The following CGREF1 variants were observed in gnomAD, a reference collection of about 807,000 sequenced individuals.
CGREF1 encodes the protein cell growth regulator with EF hand domain protein 1.
In CGREF1, 16 loss-of-function variants were observed where a neutral mutation model predicts 17.4. The observed-to-expected ratio is 0.92, with a 90% CI of 0.62 to 1.40. The LOEUF is 1.40. Ranked by LOEUF, CGREF1 falls within the 40% of genes most tolerant of loss-of-function variation. The pLI, the probability that CGREF1 is intolerant of heterozygous loss-of-function variation, is 0.00. For synonymous variants in CGREF1, 142 were observed against 154.6 expected (o/e 0.92, Z 0.61); for missense variants, 296 against 376.4 (o/e 0.79, Z 1.77).
chr2:27,101,923 A>T (rs1453328368), intron 5 of CGREF1, 35 bp from the exon 6 acceptor site: 1 of 1,601,416 alleles, frequency 6.2e-7, no homozygotes, highest in African/African-American at 1.3e-5. Flanking sequence ...GTCTCCAGGG[A>T]CAGAGATGTT....
intron 1 of CGREF1, among the ~76,000 whole-genome samples, chr2:27,114,658 G>A (rs1164916579): frequency 6.6e-6 from 1 of 152,164 alleles, no homozygotes; most frequent in East Asian, 1.9e-4. Flanking sequence ...CACCATGGAA[G>A]GAGCCTGGTC....
Position 27,105,921 on chromosome 2 carries a change from C to T in CGREF1, c.-11-1544G>A, listed in dbSNP as rs1468568885. Among the ~76,000 whole-genome samples, 4 of 152,174 alleles carry T rather than the reference C, an allele frequency of 2.6e-5. No individual in the cohort carries two copies. In the East Asian group the frequency reaches 7.7e-4, roughly 29 times the overall value. ...TACATAATTTGTTGGTGTCTATAAG[C>T]CCCAGTAGCCAAAAATAGATGCTGA... On this transcript the variant is annotated intron_variant, in intron 1 of 5. Coordinates refer to ENST00000402394, the MANE Select transcript of CGREF1 (RefSeq NM_006569.6).
chr2:27,104,192 A>T (rs1671026448), intron 2 of CGREF1, 95 bp downstream of exon 2: 2 of 1,266,414 alleles, frequency 1.6e-6, no homozygotes, highest in South Asian at 1.6e-5. Flanking sequence ...CCTACACCCC[A>T]GTCTCCTGCC....
At chr2:27,109,702 A>G (rs543569157) in intron 1 of CGREF1, among the ~76,000 whole-genome samples, 12 of 152,056 alleles carry the variant, frequency 7.9e-5, no homozygotes, top group Admixed American at 7.9e-4. Flanking sequence ...CCTGACCAAC[A>G]TGGAGAAACC....
At chr2:27,110,568 A>C (rs1671328092) in intron 1 of CGREF1, 1 of 109,984 alleles carries the variant, frequency 9.1e-6, no homozygotes, top group African/African-American at 2.8e-5. Flanking sequence ...AAAGACTAGT[A>C]AAATAAAAAA....
At chr2:27,115,785 G>C (rs987069251) in intron 1 of CGREF1, among the ~76,000 whole-genome samples, 2 of 152,192 alleles carry the variant, frequency 1.3e-5, no homozygotes, top group Admixed American at 6.5e-5. Context: ...TTCAAACCAA[G>C]GAGTTATTGG....
chr2:27,104,454 C>T (rs1280651478), intron 1 of CGREF1, 77 bp from the exon 2 acceptor site: 2 of 1,571,724 alleles, frequency 1.3e-6, no homozygotes, highest in Admixed American at 3.8e-5. Context: ...GGGTTAGACA[C>T]AAGCGCATTT....
At chr2:27,107,626 C>T (rs1229864270) in intron 1 of CGREF1, among the ~76,000 whole-genome samples, 7 of 147,416 alleles carry the variant, frequency 4.7e-5, no homozygotes, top group Non-Finnish European at 1.5e-5. Flanking sequence ...CGGCCAGCAA[C>T]AGTATGTTTT....
chr2:27,111,984 G>A (rs749580182), intron 1 of CGREF1, among the ~76,000 whole-genome samples: 26 of 152,356 alleles, frequency 1.7e-4, no homozygotes, highest in Non-Finnish European at 3.4e-4. Flanking sequence ...AGGAGGCGCC[G>A]AGAACGAGCG....
At chr2:27,110,983 GGTGA>G (rs1171321578) in intron 1 of CGREF1, 2 of 152,296 alleles carry the variant, frequency 1.3e-5, no homozygotes, top group African/African-American at 4.8e-5. Context: ...AGACCTTCGT[GGTGA>G]GTGTTACAGC....
chr2:27,100,279 G>A (rs1236508721), downstream of CGREF1: 2 of 445,954 alleles, frequency 4.5e-6, no homozygotes, highest in Non-Finnish European at 8.0e-6. Context: ...GAGCTGAACT[G>A]ACAGGCCAGT....
At chr2:27,116,876 T>TCC (rs1671591869) in intron 1 of CGREF1, among the ~76,000 whole-genome samples, 1 of 30,702 alleles carries the variant, frequency 3.3e-5, no homozygotes, top group Non-Finnish European at 6.1e-5. Flanking sequence ...GCCTATTCTC[T>TCC]CTCTCTCTCT....
rs367787809 is a variant in CGREF1, at chr2:27,102,368, C to T, written c.209G>A (p.Arg70Gln). Reference sequence around the variant, plus strand: ...TCAGCCCAGCCCCTCACCCTGCTCCCGGCTCAGATGCTCCAGTTGCACTTC... The same window carrying T: ...TCAGCCCAGCCCCTCACCCTGCTCCTGGCTCAGATGCTCCAGTTGCACTTC... Reference protein sequence around the residue: ...RTEVQLEHLSREQVLLYLFAL... With the variant: ...RTEVQLEHLSQEQVLLYLFAL... The change falls in exon 4 of 6, where the codon CGG becomes CAG. Residue 70 changes from arginine (R) to glutamine (Q), a missense_variant. Arg to Gln is a conservative substitution (Grantham distance 43). Around this residue, in one of 3 missense-constraint regions of CGREF1, gnomAD observed 247 missense variants for 267.2 expected, o/e 0.92. Transcript: ENST00000402394. The T allele has an allele frequency of 8.7e-5, 141 of 1,613,964 alleles. No homozygotes were observed. The highest frequency in any genetic ancestry group is 1.1e-4 in the Non-Finnish European group (134 of 1,179,958).
intron 1 of CGREF1, among the ~76,000 whole-genome samples, chr2:27,118,048 G>C (rs545892641): frequency 3.3e-5 from 5 of 152,114 alleles, no homozygotes; most frequent in African/African-American, 1.2e-4. Flanking sequence ...GAGGATAACG[G>C]TATCTGTCTC....
At chr2:27,117,795 G>A (rs1317469681) in intron 1 of CGREF1, among the ~76,000 whole-genome samples, 1 of 145,682 alleles carries the variant, frequency 6.9e-6, no homozygotes, top group Non-Finnish European at 1.5e-5. Flanking sequence ...AGCAAGCTCC[G>A]CCTCCCGGGT....
rs890813833 is a variant in CGREF1 at position 27,102,204 on chromosome 2, C to A, written c.235G>T (p.Ala79Ser). ...CCACTCTGGTCATAGTCATGGAGGGCAAAGAGGTAGAGGAGAACTAAAGAG... is the reference window on the plus strand; with the variant it reads ...CCACTCTGGTCATAGTCATGGAGGGAAAAGAGGTAGAGGAGAACTAAAGAG... ...SREQVLLYLF[A>S]LHDYDQSGQL... is the part of the protein sequence containing the mutation. The change falls in exon 5 of 6, where the codon GCC (alanine) becomes TCC (serine). Residue 79 changes from alanine (A) to serine (S), a missense_variant. Coordinates refer to ENST00000402394, the MANE Select transcript of CGREF1 (RefSeq NM_006569.6). 8 of 1,611,796 alleles carry A rather than the reference C, an allele frequency of 5.0e-6. No homozygotes were observed. Among genetic ancestry groups the A allele is most frequent in the Middle Eastern group, 1.6e-4 (1 of 6,074 alleles).
downstream of CGREF1, chr2:27,099,354 G>A (rs878943136): frequency 1.4e-4 from 221 of 1,612,728 alleles, 3 homozygotes; most frequent in South Asian, 1.3e-3. Flanking sequence ...AGTCCGCCCT[G>A]GAGCTGGGAG....
At chr2:27,118,447 G>C (rs900443389) in intron 1 of CGREF1, among the ~76,000 whole-genome samples, 1 of 152,164 alleles carries the variant, frequency 6.6e-6, no homozygotes, top group East Asian at 1.9e-4. Flanking sequence ...CCCGGGAGCT[G>C]GTCCCTCGGC....
In CGREF1 at chr2:27,101,877, T is replaced by C. The variant is rs765539575; in HGVS notation, c.354A>G (p.Ile118Met). ...NSPTTNPVIL[I>M]VDKVLETQDL... ...CCTGGGTCTCGAGCACTTTGTCCAC[T>C]ATCAAGATCACCTGTGGAAGCAGAG... Residue 118 changes from isoleucine (I) to methionine (M), a missense_variant, in exon 6 of 6, where the codon ATA (isoleucine) becomes ATG (methionine). Ile to Met is a conservative substitution (Grantham distance 10). Around this residue, in one of 3 missense-constraint regions of CGREF1, gnomAD observed 247 missense variants for 267.2 expected, o/e 0.92. Transcript: ENST00000402394. The C allele has an allele frequency of 6.2e-7, 1 of 1,612,320 alleles. No homozygotes were observed. The highest frequency in any genetic ancestry group is 1.7e-5 in the Admixed American group (1 of 59,986).
Sources: allele counts gnomAD v4.1 joint callset (sites outside exome capture counted in the v4.1 genomes callset), GRCh38; gene constraint gnomAD v4.1.1; regional missense constraint gnomAD v4.1.1; transcripts MANE v1.5; gene names NCBI Gene and HGNC (gene_info 2026-07-23, HGNC 2026-07-21).